SGK1: variants seen among roughly 807,000 people sequenced by gnomAD.
SGK1 encodes the protein serum/glucocorticoid regulated kinase 1.
A neutral mutation model predicts 64.2 loss-of-function variants in SGK1; 26 were observed. That is an observed-to-expected ratio of 0.40 (90% CI 0.30 to 0.56). The LOEUF (loss-of-function observed/expected upper bound fraction) is 0.56, where lower values mean the gene tolerates loss of function less well. Ranked by LOEUF, SGK1 falls within the 20% of genes least tolerant of loss-of-function variation. The pLI is 0.38. For synonymous variants in SGK1, 265 were observed against 239.7 expected (o/e 1.11, Z -0.98); for missense variants, 519 against 645.6 (o/e 0.80, Z 2.12).
chr6:134,311,642 C>T (rs1477676886), intron 1 of SGK1, among the ~76,000 whole-genome samples: 1 of 152,112 alleles, frequency 6.6e-6, no homozygotes, highest in Non-Finnish European at 1.5e-5. Context: ...CAGAGTGAGA[C>T]TGTATGAAAA....
At chr6:134,195,114 C>A (rs903179602) in intron 3 of SGK1, among the ~76,000 whole-genome samples, 1 of 151,938 alleles carries the variant, frequency 6.6e-6, no homozygotes, top group African/African-American at 2.4e-5. Context: ...TCATAAAATG[C>A]CTTTTAGGAC....
intron 3 of SGK1, among the ~76,000 whole-genome samples, chr6:134,180,801 G>A (rs1038387912): frequency 9.3e-5 from 14 of 150,100 alleles, no homozygotes; most frequent in Admixed American, 8.7e-4. Context: ...AGCCCAGGGT[G>A]TTGGAGGTTT....
intron 3 of SGK1, among the ~76,000 whole-genome samples, chr6:134,201,058 T>C (rs940968430): frequency 6.6e-5 from 9 of 137,366 alleles, no homozygotes; most frequent in Non-Finnish European, 1.3e-4. Context: ...TTTCTTTTTC[T>C]TTTCTTCTTT....
chr6:134,203,875 A>C (rs112397441), intron 3 of SGK1, among the ~76,000 whole-genome samples: 8,613 of 152,082 alleles, frequency 0.057, 813 homozygotes, highest in African/African-American at 0.2. Context: ...ACCAGCCTGA[A>C]CAACGTGGCA....
chr6:134,316,674 A>C (rs1777689175), intron 1 of SGK1, among the ~76,000 whole-genome samples: 1 of 147,584 alleles, frequency 6.8e-6, no homozygotes, highest in Non-Finnish European at 1.5e-5. Context: ...AAGGAGTTTA[A>C]GAAATAAATG....
chr6:134,246,412 C>G (rs1776526046), intron 2 of SGK1, among the ~76,000 whole-genome samples: 1 of 151,904 alleles, frequency 6.6e-6, no homozygotes, highest in Non-Finnish European at 1.5e-5. Context: ...CCACCTCAAC[C>G]TCCCAAAGTG....
Position 134,171,168 on chromosome 6 carries a change from T to A in SGK1, c.1178A>T (p.Tyr393Phe). ...YEMLYGLPPF[Y>F]SRNTAEMYDN... ...GTACATTTCAGCTGTGTTTCGGCTA[T>A]AAAAAGGCGGCTGAAAGAAGGGGAA... The change falls in exon 12 of 14, where the codon TAT (tyrosine) becomes TTT (phenylalanine). Residue 393 changes from tyrosine (Y) to phenylalanine (F), a missense_variant. Transcript: ENST00000367858. The A allele has an allele frequency of 6.2e-7, 1 of 1,614,018 alleles. No homozygotes were observed. Among genetic ancestry groups the A allele is most frequent in the Non-Finnish European group, 8.5e-7 (1 of 1,179,974 alleles).
At chr6:134,302,177 T>A (rs760510446) in intron 1 of SGK1, among the ~76,000 whole-genome samples, 8 of 152,212 alleles carry the variant, frequency 5.3e-5, no homozygotes, top group Non-Finnish European at 1.0e-4. Context: ...ATTAAATTGA[T>A]TAAATTAGGT....
chr6:134,192,270 G>A (rs889101553), intron 3 of SGK1, among the ~76,000 whole-genome samples: 1 of 151,700 alleles, frequency 6.6e-6, no homozygotes, highest in African/African-American at 2.4e-5. Flanking sequence ...CGGCCTAAGA[G>A]CCAAAATTTT....
At chr6:134,213,608 C>G (rs1240939034) in intron 2 of SGK1, among the ~76,000 whole-genome samples, 1 of 36,690 alleles carries the variant, frequency 2.7e-5, no homozygotes, top group Non-Finnish European at 7.9e-5. Flanking sequence ...GAGCAAAACT[C>G]TGTCTCAAAA....
At chr6:134,171,585 G>A (rs533462331) in intron 11 of SGK1, 52 bp downstream of exon 11, 1 of 1,294,514 alleles carries the variant, frequency 7.7e-7, no homozygotes, top group East Asian at 2.3e-5. Flanking sequence ...CTGTGTGAAG[G>A]CAATATTGTA....
At chr6:134,279,459 T>TAAATAAATAAATAAATAAAA (rs1228417080) in intron 1 of SGK1, among the ~76,000 whole-genome samples, 1 of 149,502 alleles carries the variant, frequency 6.7e-6, no homozygotes, top group Non-Finnish European at 1.5e-5. Context: ...AATAAATAAA[T>TAAATAAATAAATAAATAAAA]AAAATAAAGG....
At chr6:134,193,283 A>ATTGTAAC (rs1423653779) in intron 3 of SGK1, among the ~76,000 whole-genome samples, 1 of 152,232 alleles carries the variant, frequency 6.6e-6, no homozygotes, top group Non-Finnish European at 1.5e-5. Context: ...GTTCTTAGAT[A>ATTGTAAC]TTGTAACTTT....
chr6:134,173,585 A>T lies in SGK1; in HGVS notation c.514-19T>A, dbSNP rs1775107485. The T allele has an allele frequency of 7.7e-6, 11 of 1,436,522 alleles. No homozygotes were observed. Among genetic ancestry groups the T allele is most frequent in the Non-Finnish European group, 1.1e-5 (11 of 1,039,706 alleles). The allele number at this position is 1,436,522 out of a possible 1,614,324, so 89.0% of individuals were successfully genotyped here. ...GACTTGGCTAGAAAAAAAAAAAAAG[A>T]ATTTCTTTTAATACCATTGCTTCAA... On this transcript the variant is annotated intron_variant, in intron 5 of 13. Coordinates refer to ENST00000367858, the MANE Select transcript of SGK1 (RefSeq NM_001143676.3).
At chr6:134,257,290 C>G (rs370555724) in intron 2 of SGK1, 1 of 152,452 alleles carries the variant, frequency 6.6e-6, no homozygotes, top group Non-Finnish European at 1.5e-5. Context: ...GTAATGCCAG[C>G]TATTCGCAAG....
At chr6:134,250,346 C>A (rs1376944441) in intron 2 of SGK1, among the ~76,000 whole-genome samples, 3 of 152,126 alleles carry the variant, frequency 2.0e-5, no homozygotes, top group Non-Finnish European at 2.9e-5. Flanking sequence ...AGCTGAGTCA[C>A]TTATATAATA....
At chr6:134,305,363 C>CAAAAA (rs34637536) in intron 1 of SGK1, among the ~76,000 whole-genome samples, 2 of 65,626 alleles carry the variant, frequency 3.0e-5, no homozygotes, top group African/African-American at 1.3e-4. Context: ...TACTTCATCT[C>CAAAAA]AAAAAAAAAA....
intron 5 of SGK1, 78 bp downstream of exon 5, chr6:134,173,926 AT>A: frequency 1.1e-6 from 1 of 948,528 alleles, no homozygotes; most frequent in Non-Finnish European, 1.6e-6. Context: ...TAGAAATGCT[AT>A]TTTAATCCAT....
At chr6:134,240,029 C>G (rs761784329) in intron 2 of SGK1, among the ~76,000 whole-genome samples, 3 of 152,108 alleles carry the variant, frequency 2.0e-5, no homozygotes, top group Non-Finnish European at 4.4e-5. Flanking sequence ...CAGTGGCTCA[C>G]GCCTGTAATC....
Sources: gnomAD v4.1 joint callset for allele counts (sites outside exome capture counted in the v4.1 genomes callset) on GRCh38, gnomAD v4.1.1 for gene constraint, MANE v1.5 for transcripts, NCBI Gene and HGNC (gene_info 2026-07-23, HGNC 2026-07-21) for gene names.